SLC24A2: variants seen among roughly 807,000 people sequenced by gnomAD.
SLC24A2 encodes the protein solute carrier family 24 member 2.
SLC24A2 carries 36 observed loss-of-function variants against 62.0 expected under a neutral mutation model. The ratio of observed to expected loss-of-function variants is 0.58; its 90% CI spans 0.44 to 0.77. SLC24A2 has a LOEUF of 0.77. SLC24A2 is among the 30% of genes least tolerant of loss of function. SLC24A2 has a pLI of 0.00. For synonymous variants in SLC24A2, 358 were observed against 294.0 expected, an observed-to-expected ratio of 1.22 and a Z score of -2.23; for missense variants, 846 against 817.9, an observed-to-expected ratio of 1.03 and a Z score of -0.42.
At chr9:19,897,444 T>G in the SLC24A2 span, among the ~76,000 whole-genome samples, 1 of 152,148 alleles carries the variant, frequency 6.6e-6, no homozygotes, top group East Asian at 1.9e-4. Context: ...AAAGCCAATT[T>G]GAGGAAGCAA....
chr9:20,016,269 AC>A, the SLC24A2 span, among the ~76,000 whole-genome samples: 6 of 152,318 alleles, frequency 3.9e-5, no homozygotes, highest in African/African-American at 1.2e-4. Flanking sequence ...AAATATTATT[AC>A]TAGGAAAAAC....
chr9:19,709,139 A>C (rs1192000957), intron 2 of SLC24A2, among the ~76,000 whole-genome samples: 1 of 152,170 alleles, frequency 6.6e-6, no homozygotes, highest in Non-Finnish European at 1.5e-5. Flanking sequence ...ATGCAGCCAA[A>C]AAACACATGA....
chr9:19,697,394 C>T (rs571136498), intron 2 of SLC24A2, among the ~76,000 whole-genome samples: 26 of 151,994 alleles, frequency 1.7e-4, no homozygotes, highest in Admixed American at 9.8e-4. Context: ...TGCTTACCTA[C>T]GAAACAAACC....
At chr9:19,536,242 G>A (rs867745691) in intron 8 of SLC24A2, among the ~76,000 whole-genome samples, 1 of 145,810 alleles carries the variant, frequency 6.9e-6, no homozygotes, top group African/African-American at 2.6e-5. Context: ...GGGTACATGT[G>A]CACATTGTGC....
At chr9:19,697,559 T>C (rs992200111) in intron 2 of SLC24A2, among the ~76,000 whole-genome samples, 2 of 152,190 alleles carry the variant, frequency 1.3e-5, no homozygotes, top group South Asian at 2.1e-4. Context: ...AAATAAGTGA[T>C]ACAAAAAAAG....
intron 2 of SLC24A2, among the ~76,000 whole-genome samples, chr9:19,702,064 C>T (rs1213073942): frequency 2.0e-5 from 3 of 152,122 alleles, no homozygotes; most frequent in Non-Finnish European, 4.4e-5. Flanking sequence ...TCTCTCTGAC[C>T]GATTTTATTT....
the SLC24A2 span, among the ~76,000 whole-genome samples, chr9:20,089,866 C>A: frequency 6.6e-6 from 1 of 151,918 alleles, no homozygotes; most frequent in Non-Finnish European, 1.5e-5. Context: ...AGCCCTTGAC[C>A]CCCTGCTCCC....
chr9:19,893,695 G>T, the SLC24A2 span, among the ~76,000 whole-genome samples: 1 of 152,134 alleles, frequency 6.6e-6, no homozygotes, highest in East Asian at 1.9e-4. Context: ...TTTGCTGAAG[G>T]TCTCATTGTT....
intron 2 of SLC24A2, among the ~76,000 whole-genome samples, chr9:19,740,171 G>A (rs538243994): frequency 4.9e-5 from 7 of 143,072 alleles, no homozygotes; most frequent in African/African-American, 1.8e-4. Flanking sequence ...TTCTTAGGCA[G>A]TATTTAATAA....
intron 2 of SLC24A2, among the ~76,000 whole-genome samples, chr9:19,643,356 T>C (rs1818557664): frequency 6.6e-6 from 1 of 152,238 alleles, no homozygotes; most frequent in Non-Finnish European, 1.5e-5. Flanking sequence ...ATCTTGTTTG[T>C]ATAAAGTATA....
chr9:19,847,023 TA>T, the SLC24A2 span, among the ~76,000 whole-genome samples: 2 of 151,786 alleles, frequency 1.3e-5, no homozygotes, highest in African/African-American at 2.4e-5. Context: ...TCCAGTCTCT[TA>T]AAAAAAATGC....
intron 7 of SLC24A2, among the ~76,000 whole-genome samples, chr9:19,559,562 T>A (rs1455721866): frequency 1.3e-5 from 2 of 152,188 alleles, no homozygotes; most frequent in East Asian, 3.8e-4. Context: ...AAAACAATGG[T>A]AGAGTTGGAA....
the SLC24A2 span, among the ~76,000 whole-genome samples, chr9:20,089,678 C>G: frequency 6.6e-6 from 1 of 151,398 alleles, no homozygotes; most frequent in East Asian, 2.0e-4. Flanking sequence ...AGGCATCTGA[C>G]AGCCCCCCCG....
At chr9:19,734,677 C>T (rs1821449691) in intron 2 of SLC24A2, among the ~76,000 whole-genome samples, 1 of 152,056 alleles carries the variant, frequency 6.6e-6, no homozygotes, top group South Asian at 2.1e-4. Flanking sequence ...CATGATTTGG[C>T]TGTTTGTCTG....
the SLC24A2 span, among the ~76,000 whole-genome samples, chr9:19,904,695 T>A: frequency 1.3e-5 from 2 of 152,232 alleles, no homozygotes; most frequent in Non-Finnish European, 2.9e-5. Flanking sequence ...TTGTATGGTT[T>A]CTCATTTGCT....
chr9:20,175,024 T>TATAA, the SLC24A2 span, among the ~76,000 whole-genome samples: 1 of 150,664 alleles, frequency 6.6e-6, no homozygotes, highest in African/African-American at 2.4e-5. Flanking sequence ...TTTTTATATA[T>TATAA]ATATATATAT....
chr9:19,844,605 G>A, the SLC24A2 span, among the ~76,000 whole-genome samples: 20 of 151,884 alleles, frequency 1.3e-4, no homozygotes, highest in Non-Finnish European at 1.8e-4. Context: ...GCCAATGTCT[G>A]GAATGGTGTT....
chr9:19,960,654 C>T, the SLC24A2 span, among the ~76,000 whole-genome samples: 1 of 152,258 alleles, frequency 6.6e-6, no homozygotes, highest in East Asian at 1.9e-4. Flanking sequence ...TAGTGTGTCC[C>T]ACAGATGTAT....
At chr9:19,965,084 C>T in the SLC24A2 span, among the ~76,000 whole-genome samples, 1 of 138,294 alleles carries the variant, frequency 7.2e-6, no homozygotes. Context: ...CTGTGACACA[C>T]AGGTGGAAAT....
Sources: gnomAD v4.1 joint callset for allele counts (sites outside exome capture counted in the v4.1 genomes callset) on GRCh38, gnomAD v4.1.1 for gene constraint, MANE v1.5 for transcripts, NCBI Gene and HGNC (gene_info 2026-07-23, HGNC 2026-07-21) for gene names.